Variants in KLHL31 observed in about 807,000 individuals in gnomAD.
KLHL31 encodes kelch-like protein 31.
Under a neutral mutation model 47.1 loss-of-function variants are expected in KLHL31, and 32 were observed. The ratio of observed to expected loss-of-function variants is 0.68; its 90% CI spans 0.51 to 0.91. The LOEUF (loss-of-function observed/expected upper bound fraction) is 0.91. Ranked by LOEUF, KLHL31 falls within the 40% of genes least tolerant of loss-of-function variation. The probability of loss-of-function intolerance (pLI) is 0.00; values close to 1 mark genes in which losing one functional copy is unlikely to be tolerated. For synonymous variants in KLHL31, 330 were observed against 325.1 expected, an observed-to-expected ratio of 1.01 and a Z score of -0.16; for missense variants, 797 against 819.3, an observed-to-expected ratio of 0.97 and a Z score of 0.33.
In KLHL31 at chr6:53,651,962, C is replaced by G. The variant is rs200137077; in HGVS notation, c.1541G>C (p.Arg514Thr). ...GWHCAVTLSD[R>T]VYVMGGSQLG... ...CTGGCTGCCGCCCATCACGTACACT[C>G]TGTCGCTCAGCGTGACCGCGCAGTG... The change falls in exon 3 of 3, where the codon AGA (arginine) becomes ACA (threonine). Residue 514 changes from arginine to threonine, a missense_variant. By Grantham distance (71) the Arg-to-Thr change is moderately conservative. Transcript: ENST00000370905. 3,997 of 1,593,552 alleles carry G rather than the reference C, an allele frequency of 2.5e-3. 13 individuals are homozygous for G. The highest frequency in any genetic ancestry group is 2.9e-3 in the Non-Finnish European group (3,422 of 1,176,360).
Position 53,651,709 on chromosome 6 carries a change from G to T in KLHL31, c.1794C>A (p.Asp598Glu). ...CGCCGACAGTGGCCTCGGGTAGCTCGTCGTCCTCCGTCCACTCGTTGAGCT... is the reference window on the plus strand; with the variant it reads ...CGCCGACAGTGGCCTCGGGTAGCTCTTCGTCCTCCGTCCACTCGTTGAGCT... Reference protein sequence around the residue: ...SPELNEWTEDDELPEATVGVS... With the variant: ...SPELNEWTEDEELPEATVGVS... Residue 598 changes from aspartate to glutamate, a missense_variant, in exon 3 of 3, where the codon GAC (aspartate) becomes GAA (glutamate). By Grantham distance (45) the Asp-to-Glu change is conservative (BLOSUM62 2). Coordinates refer to ENST00000370905, the MANE Select transcript of KLHL31 (RefSeq NM_001003760.5). 1 of 1,614,160 alleles carries T rather than the reference G, an allele frequency of 6.2e-7. No homozygotes were observed. The highest frequency in any genetic ancestry group is 8.5e-7 in the Non-Finnish European group (1 of 1,180,028).
chr6:53,659,380 C>T (rs974338254), intron 1 of KLHL31, among the ~76,000 whole-genome samples: 1 of 152,160 alleles, frequency 6.6e-6, no homozygotes, highest in Admixed American at 6.5e-5. Flanking sequence ...GTAGGGCTAA[C>T]CCCGAAAGTT....
chr6:53,659,635 G>A (rs113089768), intron 1 of KLHL31, among the ~76,000 whole-genome samples: 1,792 of 152,312 alleles, frequency 0.012, 28 homozygotes, highest in African/African-American at 0.029. Context: ...GTTGAAGCAA[G>A]GAGGTGTGAC....
At chr6:53,659,538 T>C (rs1764616970) in intron 1 of KLHL31, among the ~76,000 whole-genome samples, 1 of 152,128 alleles carries the variant, frequency 6.6e-6, no homozygotes, top group Non-Finnish European at 1.5e-5. Context: ...ATAACATGAA[T>C]CTTGTTGGGT....
intron 1 of KLHL31, among the ~76,000 whole-genome samples, chr6:53,657,956 GC>G (rs776730636): frequency 1.3e-5 from 2 of 152,100 alleles, no homozygotes; most frequent in Non-Finnish European, 2.9e-5. Flanking sequence ...TGCAAACAAT[GC>G]AAAATGCATC....
Position 53,651,809 on chromosome 6 carries a change from C to T in KLHL31, c.1694G>A (p.Gly565Asp). The T allele has an allele frequency of 6.2e-7, 1 of 1,611,992 alleles. No homozygotes were observed. The highest frequency in any genetic ancestry group is 1.3e-5 in the African/African-American group (1 of 75,066). Residue 565 changes from glycine (G) to aspartate (D), a missense_variant, in exon 3 of 3, where the codon GGC (glycine) becomes GAC (aspartate). Gly to Asp is a moderately conservative substitution (Grantham distance 94, BLOSUM62 -1). Transcript: ENST00000370905. ...VSTAGVSALH[G>D]RAYLVGGWNE... The stretch of plus-strand genomic sequence containing the variant: ...CCAGCCCCCCACCAGGTAGGCGCGG[C>T]CATGCAGCGCCGAGACGCCCGCAGT...
chr6:53,655,483 G>T (rs1433045463), intron 1 of KLHL31, among the ~76,000 whole-genome samples, 178 bp from the exon 2 acceptor site: 1 of 152,116 alleles, frequency 6.6e-6, no homozygotes, highest in East Asian at 1.9e-4. Flanking sequence ...GTTTACTTCA[G>T]CATGAAGCAT....
chr6:53,650,882 G>C lies in KLHL31; in HGVS notation c.*716C>G, dbSNP rs1764453129. 2 of 152,158 alleles carry C rather than the reference G, an allele frequency of 1.3e-5. No individual in the cohort carries two copies. Among genetic ancestry groups the C allele is most frequent in the African/African-American group, 4.8e-5 (2 of 41,438 alleles). The allele number at this position is 152,158 out of a possible 1,614,324, so 9.4% of individuals were successfully genotyped here. On this transcript the variant is annotated 3_prime_UTR_variant, in exon 3 of 3. Transcript: ENST00000370905. The stretch of plus-strand genomic sequence containing the variant: ...ATTCATATCAATTACTTCATTGAGA[G>C]CATGATTTTATGGTAGAAAATAAAC...
chr6:53,650,148 A>G lies in KLHL31; in HGVS notation c.*1450T>C, dbSNP rs9474614. ...TATATTTCCATATATCTCATGTTCAATTCCTAAATAGCTTGTTTTATTTTT... is the reference window on the plus strand; with the variant it reads ...TATATTTCCATATATCTCATGTTCAGTTCCTAAATAGCTTGTTTTATTTTT... On this transcript the variant is annotated 3_prime_UTR_variant, in exon 3 of 3. Transcript: ENST00000370905. 0.15 allele frequency: 23,534 copies of G among 152,250 alleles called. 2,668 individuals carry two copies. Among genetic ancestry groups the G allele is most frequent in the East Asian group, 0.32 (1,685 of 5,186 alleles). 9.4% of individuals were successfully genotyped at this position (152,250 alleles called of 1,614,324 possible).
chr6:53,649,070 A>G lies in KLHL31; in HGVS notation c.*2528T>C, dbSNP rs898017557. ...GCTTAAAACATACTAAATATTTTCCACTTGGGAAATCTGGAGAAACTAGGT... is the reference window on the plus strand; with the variant it reads ...GCTTAAAACATACTAAATATTTTCCGCTTGGGAAATCTGGAGAAACTAGGT... On this transcript the variant is annotated 3_prime_UTR_variant, in exon 3 of 3. Transcript: ENST00000370905. The G allele has an allele frequency of 3.9e-5, 6 of 152,144 alleles. No individual in the cohort carries two copies. Among genetic ancestry groups the G allele is most frequent in the Admixed American group, 2.0e-4 (3 of 15,276 alleles). 9.4% of individuals were successfully genotyped at this position (152,144 alleles called of 1,614,324 possible).
At chr6:53,658,121 G>T (rs1326548) in intron 1 of KLHL31, among the ~76,000 whole-genome samples, 16,588 of 152,178 alleles carry the variant, frequency 0.11, 1,126 homozygotes, top group East Asian at 0.22. Context: ...GGTGTGGGCA[G>T]CCCAGTGCTG....
At position 53,665,634 on chromosome 6, in the gene KLHL31, T is replaced by C. The variant is rs992070769; in HGVS notation, c.-67A>G. On this transcript the variant is annotated 5_prime_UTR_variant, in exon 1 of 3. Coordinates refer to ENST00000370905, the MANE Select transcript of KLHL31 (RefSeq NM_001003760.5). ...GGTGAAGTGGCAGGTCAACTTGAGATGATGAAGTTTTAGCAGGAGACTCCT... is the reference window on the plus strand; with the variant it reads ...GGTGAAGTGGCAGGTCAACTTGAGACGATGAAGTTTTAGCAGGAGACTCCT... The C allele has an allele frequency of 6.6e-6, 1 of 152,062 alleles. No homozygotes were observed. The highest frequency in any genetic ancestry group is 2.4e-5 in the African/African-American group (1 of 41,342). The allele number at this position is 152,062 out of a possible 1,614,324, so 9.4% of individuals were successfully genotyped here.
At chr6:53,662,643 G>A (rs1764663855) in intron 1 of KLHL31, among the ~76,000 whole-genome samples, 1 of 152,160 alleles carries the variant, frequency 6.6e-6, no homozygotes, top group Admixed American at 6.5e-5. Context: ...TACCCTGGAA[G>A]AGCTGCCCAT....
At position 53,648,707 on chromosome 6, in the gene KLHL31, T is replaced by C. The variant is rs1427556109; in HGVS notation, c.*2891A>G. The C allele has an allele frequency of 2.6e-5, 4 of 152,262 alleles. 1 individual carries two copies. The highest frequency in any genetic ancestry group is 1.5e-5 in the Non-Finnish European group (1 of 68,000). 9.4% of individuals were successfully genotyped at this position (152,262 alleles called of 1,614,324 possible). On this transcript the variant is annotated 3_prime_UTR_variant, in exon 3 of 3. Coordinates refer to ENST00000370905, the MANE Select transcript of KLHL31 (RefSeq NM_001003760.5). ...TCTATTCAAAACCATTCTTACAACA[T>C]AGGAAGTAAAAATAAAATTCATTCA...
At chr6:53,655,912 T>C (rs1183167655) in intron 1 of KLHL31, among the ~76,000 whole-genome samples, 1 of 152,128 alleles carries the variant, frequency 6.6e-6, no homozygotes, top group Non-Finnish European at 1.5e-5. Flanking sequence ...CAACCAACAT[T>C]TTCTGATTGA....
rs12204568 is a variant in KLHL31, at chr6:53,651,264, C to T, written c.*334G>A. 1 of 195,386 alleles carries T rather than the reference C, an allele frequency of 5.1e-6. No individual in the cohort carries two copies. The highest frequency in any genetic ancestry group is 1.3e-4 in the East Asian group (1 of 7,752). The allele number at this position is 195,386 out of a possible 1,614,324, so 12.1% of individuals were successfully genotyped here. A position where few individuals can be genotyped will look rare whatever the true frequency, so the allele number is the denominator to read the frequency against. Reference sequence around the variant, plus strand: ...TGTACTAACGTGTAGAGGAAAAAATCTCAAATGTGGGTGTAACCGCTATAC... The same window carrying T: ...TGTACTAACGTGTAGAGGAAAAAATTTCAAATGTGGGTGTAACCGCTATAC... On this transcript the variant is annotated 3_prime_UTR_variant, in exon 3 of 3. Transcript: ENST00000370905.
intron 1 of KLHL31, among the ~76,000 whole-genome samples, chr6:53,662,423 C>G (rs991245838): frequency 6.6e-6 from 1 of 152,186 alleles, no homozygotes; most frequent in Non-Finnish European, 1.5e-5. Context: ...GGATGAACAG[C>G]TATTTGGAAG....
chr6:53,652,824 G>C (rs940184183), intron 2 of KLHL31, among the ~76,000 whole-genome samples: 6 of 152,150 alleles, frequency 3.9e-5, no homozygotes, highest in Non-Finnish European at 7.3e-5. Context: ...CGAATTGACT[G>C]ACTGGATTTC....
At chr6:53,659,309 G>T (rs144112460) in intron 1 of KLHL31, among the ~76,000 whole-genome samples, 1 of 152,320 alleles carries the variant, frequency 6.6e-6, no homozygotes, top group East Asian at 1.9e-4. Context: ...AAACACCAGG[G>T]AGAGAAAAGA....
Sources: allele counts gnomAD v4.1 joint callset (sites outside exome capture counted in the v4.1 genomes callset), GRCh38; gene constraint gnomAD v4.1.1; transcripts MANE v1.5; gene names NCBI Gene and HGNC (gene_info 2026-07-23, HGNC 2026-07-21).